The following PPFIA2 variants were observed in gnomAD, a reference collection of about 807,000 sequenced individuals.
The protein encoded by PPFIA2 is liprin-alpha-2.
In PPFIA2, 46 loss-of-function variants were observed where a neutral mutation model predicts 175.5. The ratio of observed to expected loss-of-function variants is 0.26; its 90% CI spans 0.21 to 0.34. The LOEUF is 0.34. Among genes scored for constraint, PPFIA2 ranks in the 10% least tolerant of loss-of-function variants. The pLI is 1.00. For synonymous variants in PPFIA2, 568 were observed against 511.4 expected (o/e 1.11, Z -1.49); for missense variants, 1,179 against 1,506.1 (o/e 0.78, Z 3.60).
intron 6 of PPFIA2, among the ~76,000 whole-genome samples, chr12:81,445,206 T>TGGGGGGG (rs536566949): frequency 4.8e-5 from 1 of 20,672 alleles, no homozygotes; most frequent in Non-Finnish European, 1.4e-4. Context: ...AAGACCAAGG[T>TGGGGGGG]GGGGGGGGGG....
intron 11 of PPFIA2, among the ~76,000 whole-genome samples, chr12:81,373,145 A>C (rs2035582914): frequency 6.6e-6 from 1 of 151,844 alleles, no homozygotes; most frequent in African/African-American, 2.4e-5. Flanking sequence ...TCTGAATTGT[A>C]AATTGTGTTA....
At chr12:81,393,084 A>G (rs2040451981) in intron 8 of PPFIA2, among the ~76,000 whole-genome samples, 1 of 151,964 alleles carries the variant, frequency 6.6e-6, no homozygotes, top group African/African-American at 2.4e-5. Context: ...TAGCAGTCAG[A>G]CTGATTCATG....
rs961282998 is a variant in PPFIA2, at chr12:81,543,089, C to T, written c.304-85223G>A. Among the ~76,000 whole-genome samples the T allele has an allele frequency of 5.9e-5, 9 of 152,218 alleles. No individual in the cohort carries two copies. In the East Asian group the frequency reaches 1.4e-3, roughly 23 times the overall value. ...CCTTGAATGAATCTTCCTTTTACTGCTTTTACTGTTTAAATTTGCCAGGCA... is the reference window on the plus strand; with the variant it reads ...CCTTGAATGAATCTTCCTTTTACTGTTTTTACTGTTTAAATTTGCCAGGCA... On this transcript the variant is annotated intron_variant, in intron 4 of 32. Coordinates refer to ENST00000549396, the MANE Select transcript of PPFIA2 (RefSeq NM_003625.5).
At chr12:81,281,676 T>G (rs1315315534) in intron 26 of PPFIA2, among the ~76,000 whole-genome samples, 2 of 152,132 alleles carry the variant, frequency 1.3e-5, no homozygotes, top group African/African-American at 2.4e-5. Context: ...CTTTGTATTC[T>G]CAAAAGGAAT....
At chr12:81,352,634 C>T (rs2060215777) in intron 17 of PPFIA2, among the ~76,000 whole-genome samples, 1 of 151,772 alleles carries the variant, frequency 6.6e-6, no homozygotes, top group Non-Finnish European at 1.5e-5. Context: ...ATAAAATTGA[C>T]AAAAAGAATG....
intron 3 of PPFIA2, among the ~76,000 whole-genome samples, chr12:81,743,334 T>C (rs1382929514): frequency 7.2e-6 from 1 of 139,818 alleles, no homozygotes; most frequent in Non-Finnish European, 1.5e-5. Flanking sequence ...GGAGAATCAT[T>C]TGAACCCGGG....
chr12:81,584,959 A>T (rs1356524794), intron 4 of PPFIA2, among the ~76,000 whole-genome samples: 1 of 111,386 alleles, frequency 9.0e-6, no homozygotes, highest in African/African-American at 3.5e-5. Context: ...AATTATATTT[A>T]TATATAATAT....
At chr12:81,513,861 G>A (rs1826309746) in intron 4 of PPFIA2, among the ~76,000 whole-genome samples, 1 of 152,000 alleles carries the variant, frequency 6.6e-6, no homozygotes, top group Admixed American at 6.6e-5. Flanking sequence ...ATCCAGATTT[G>A]TCATCTATGA....
At chr12:81,542,500 G>A (rs1364978673) in intron 4 of PPFIA2, among the ~76,000 whole-genome samples, 5 of 152,078 alleles carry the variant, frequency 3.3e-5, no homozygotes, top group African/African-American at 4.8e-5. Flanking sequence ...CATATACAAG[G>A]GTTAGAATGC....
chr12:81,677,005 T>C lies in PPFIA2; in HGVS notation c.250-161A>G, dbSNP rs985912611. ...ACACTGTAGTACTATACAAATAGTCTACATCTAAACATCTAGATATTCTCT... is the reference window on the plus strand; with the variant it reads ...ACACTGTAGTACTATACAAATAGTCCACATCTAAACATCTAGATATTCTCT... On this transcript the variant is annotated intron_variant, in intron 3 of 32. Coordinates refer to ENST00000549396, the MANE Select transcript of PPFIA2 (RefSeq NM_003625.5). Among the ~76,000 whole-genome samples the C allele has an allele frequency of 9.9e-5, 15 of 152,016 alleles. No individual in the cohort carries two copies. In the East Asian group the frequency reaches 2.3e-3, roughly 24 times the overall value.
intron 4 of PPFIA2, among the ~76,000 whole-genome samples, chr12:81,474,398 C>T (rs1489080164): frequency 6.6e-6 from 1 of 151,990 alleles, no homozygotes; most frequent in Non-Finnish European, 1.5e-5. Flanking sequence ...CTCAAGTGAT[C>T]CACTGGCCTC....
intron 4 of PPFIA2, among the ~76,000 whole-genome samples, chr12:81,573,113 G>A (rs747345410): frequency 1.1e-4 from 16 of 151,918 alleles, no homozygotes; most frequent in Non-Finnish European, 2.1e-4. Flanking sequence ...TAAATGACAT[G>A]TCCAAAATGT....
At chr12:81,566,679 C>T (rs190523988) in intron 4 of PPFIA2, among the ~76,000 whole-genome samples, 65 of 152,084 alleles carry the variant, frequency 4.3e-4, no homozygotes, top group South Asian at 6.2e-4. Context: ...TTCAAGTTTC[C>T]GTATTCACAT....
chr12:81,457,581 G>A (rs923904944), intron 5 of PPFIA2, among the ~76,000 whole-genome samples, 184 bp downstream of exon 5: 7 of 152,010 alleles, frequency 4.6e-5, no homozygotes, highest in African/African-American at 1.4e-4. Context: ...TATAATTTAG[G>A]TTTCCTGTCT....
At chr12:81,284,024 A>G (rs2042701384) in intron 25 of PPFIA2, among the ~76,000 whole-genome samples, 4 of 152,184 alleles carry the variant, frequency 2.6e-5, no homozygotes, top group Non-Finnish European at 4.4e-5. Context: ...TTTGTGTACT[A>G]TAAGCTCTTA....
chr12:81,654,384 G>C (rs948429568), intron 4 of PPFIA2, among the ~76,000 whole-genome samples: 6 of 151,794 alleles, frequency 4.0e-5, no homozygotes, highest in Non-Finnish European at 1.5e-5. Flanking sequence ...TATTTTAAAA[G>C]CCTACTAACA....
intron 4 of PPFIA2, among the ~76,000 whole-genome samples, chr12:81,548,962 G>A (rs753562865): frequency 6.6e-6 from 1 of 152,108 alleles, no homozygotes; most frequent in Non-Finnish European, 1.5e-5. Context: ...CAATATTTGT[G>A]TTATTTCAAA....
chr12:81,710,574 G>A (rs2077763209), intron 3 of PPFIA2, among the ~76,000 whole-genome samples: 1 of 152,006 alleles, frequency 6.6e-6, no homozygotes, highest in Non-Finnish European at 1.5e-5. Context: ...AAGTGTTTCA[G>A]ATTGAGTATT....
intron 4 of PPFIA2, among the ~76,000 whole-genome samples, chr12:81,588,623 A>T (rs1321577816): frequency 6.6e-6 from 1 of 152,126 alleles, no homozygotes; most frequent in African/African-American, 2.4e-5. Flanking sequence ...CTTCACTAGA[A>T]ATATTAAAGA....
Sources: gnomAD v4.1 joint callset for allele counts (sites outside exome capture counted in the v4.1 genomes callset) on GRCh38, gnomAD v4.1.1 for gene constraint, MANE v1.5 for transcripts, NCBI Gene and HGNC (gene_info 2026-07-23, HGNC 2026-07-21) for gene names.